CNTN4: variants seen among roughly 807,000 people sequenced by gnomAD.
The protein encoded by CNTN4 is contactin 4.
A neutral mutation model predicts 122.5 loss-of-function variants in CNTN4; 77 were observed. The observed-to-expected ratio is 0.63, with a 90% confidence interval of 0.52 to 0.76. The LOEUF is 0.76. CNTN4 is among the 30% of genes least tolerant of loss of function. The pLI, the probability that CNTN4 is intolerant of heterozygous loss-of-function variation, is 0.00. For missense variants in CNTN4, 1,256 were observed against 1,259.1 expected (o/e 1.00, Z 0.04); for synonymous variants, 512 against 447.0 (o/e 1.15, Z -1.83).
intron 3 of CNTN4, among the ~76,000 whole-genome samples, chr3:2,488,236 G>T (rs1281249717): frequency 6.6e-6 from 1 of 152,196 alleles, no homozygotes; most frequent in Non-Finnish European, 1.5e-5. Flanking sequence ...AAAATGTACA[G>T]CAAGTCCTCA....
chr3:2,495,765 C>T (rs1256285727), intron 3 of CNTN4, among the ~76,000 whole-genome samples: 1 of 152,204 alleles, frequency 6.6e-6, no homozygotes, highest in Non-Finnish European at 1.5e-5. Flanking sequence ...CTCCCCTTGC[C>T]TGGTCCGTGG....
At chr3:2,638,018 A>G (rs1254718015) in intron 4 of CNTN4, among the ~76,000 whole-genome samples, 1 of 152,230 alleles carries the variant, frequency 6.6e-6, no homozygotes, top group East Asian at 1.9e-4. Flanking sequence ...GTACCTCTAC[A>G]ATAGAGGTAG....
At chr3:2,379,187 T>A (rs949221977) in intron 3 of CNTN4, among the ~76,000 whole-genome samples, 1 of 152,210 alleles carries the variant, frequency 6.6e-6, no homozygotes, top group Admixed American at 6.5e-5. Flanking sequence ...ATCCCATTTT[T>A]TCTTTTATTT....
At chr3:2,521,351 A>ACCCCCACCCCC (rs1559632310) in intron 3 of CNTN4, among the ~76,000 whole-genome samples, 2 of 115,258 alleles carry the variant, frequency 1.7e-5, no homozygotes, top group African/African-American at 6.7e-5. Flanking sequence ...CATCCCCCCC[A>ACCCCCACCCCC]CCCCCCGCAA....
At chr3:2,389,711 T>A (rs2046377016) in intron 3 of CNTN4, among the ~76,000 whole-genome samples, 1 of 152,140 alleles carries the variant, frequency 6.6e-6, no homozygotes, top group African/African-American at 2.4e-5. Flanking sequence ...AACAGGAACT[T>A]TACAGTGAAG....
intron 2 of CNTN4, among the ~76,000 whole-genome samples, chr3:2,229,665 G>C (rs1228508524): frequency 6.6e-6 from 1 of 151,380 alleles, no homozygotes; most frequent in Non-Finnish European, 1.5e-5. Context: ...AAATAAATAA[G>C]AGTAAGTATT....
intron 4 of CNTN4, among the ~76,000 whole-genome samples, chr3:2,726,375 T>C (rs1261754813): frequency 6.6e-6 from 1 of 152,174 alleles, no homozygotes; most frequent in African/African-American, 2.4e-5. Flanking sequence ...TGCTAAGCAG[T>C]GTCATCTGCT....
At chr3:2,199,035 G>A (rs575554215) in intron 2 of CNTN4, among the ~76,000 whole-genome samples, 38 of 152,282 alleles carry the variant, frequency 2.5e-4, no homozygotes, top group African/African-American at 9.1e-4. Context: ...GCAGCCCATG[G>A]CCAAGAGATG....
chr3:2,506,168 G>C (rs2076726147), intron 3 of CNTN4, among the ~76,000 whole-genome samples: 1 of 152,138 alleles, frequency 6.6e-6, no homozygotes, highest in Admixed American at 6.5e-5. Flanking sequence ...TTCCCTTTAA[G>C]AAACAAAGGT....
At chr3:2,574,956 T>C (rs2079593278) in intron 4 of CNTN4, among the ~76,000 whole-genome samples, 1 of 152,060 alleles carries the variant, frequency 6.6e-6, no homozygotes, top group African/African-American at 2.4e-5. Flanking sequence ...CAAACCAAAA[T>C]GGTCTGCAGG....
intron 2 of CNTN4, among the ~76,000 whole-genome samples, chr3:2,103,847 C>T (rs1215887547): frequency 6.6e-6 from 1 of 152,132 alleles, no homozygotes; most frequent in Non-Finnish European, 1.5e-5. Flanking sequence ...GAGAATCTGC[C>T]TCATCTTATG....
At chr3:2,424,851 G>A (rs899673832) in intron 3 of CNTN4, among the ~76,000 whole-genome samples, 1 of 152,172 alleles carries the variant, frequency 6.6e-6, no homozygotes. Context: ...TCTGTTGGCT[G>A]CATAAATGTC....
chr3:2,675,840 T>A (rs1032691125), intron 4 of CNTN4, among the ~76,000 whole-genome samples: 1 of 152,208 alleles, frequency 6.6e-6, no homozygotes, highest in African/African-American at 2.4e-5. Flanking sequence ...AAGCCTAATA[T>A]GTCTGTTATC....
chr3:2,978,318 C>T (rs1693620568), intron 13 of CNTN4, among the ~76,000 whole-genome samples: 1 of 152,170 alleles, frequency 6.6e-6, no homozygotes, highest in South Asian at 2.1e-4. Context: ...TAAATCCCGG[C>T]CCCATGTACT....
At chr3:3,030,390 A>G (rs775291800) in intron 15 of CNTN4, among the ~76,000 whole-genome samples, 10 of 152,220 alleles carry the variant, frequency 6.6e-5, no homozygotes, top group Admixed American at 5.2e-4. Flanking sequence ...CCTGGGAGCA[A>G]TAACAATGCT....
chr3:2,584,697 CAAAAAAAAAA>C (rs67755648), intron 4 of CNTN4, among the ~76,000 whole-genome samples: 3 of 73,118 alleles, frequency 4.1e-5, no homozygotes, highest in East Asian at 4.6e-4. Flanking sequence ...AACTCCGTCT[CAAAAAAAAAA>C]AAAAAAAAAA....
intron 3 of CNTN4, among the ~76,000 whole-genome samples, chr3:2,479,925 C>T (rs988585979): frequency 1.3e-5 from 2 of 152,108 alleles, no homozygotes; most frequent in African/African-American, 2.4e-5. Flanking sequence ...ACCACCACCA[C>T]CAAGTGGGAT....
chr3:2,608,689 G>A (rs1032324125), intron 4 of CNTN4, among the ~76,000 whole-genome samples: 3 of 150,582 alleles, frequency 2.0e-5, no homozygotes, highest in Middle Eastern at 3.4e-3. Context: ...CACCGTGTTG[G>A]CCAGGCTGAT....
intron 2 of CNTN4, among the ~76,000 whole-genome samples, chr3:2,323,235 AG>A (rs2043332200): frequency 2.6e-5 from 4 of 152,130 alleles, no homozygotes. Flanking sequence ...AAGCCGGCTG[AG>A]CTAACAAAAT....
Sources: allele counts gnomAD v4.1 joint callset (sites outside exome capture counted in the v4.1 genomes callset), GRCh38; gene constraint gnomAD v4.1.1; transcripts MANE v1.5; gene names NCBI Gene and HGNC (gene_info 2026-07-23, HGNC 2026-07-21).